Variants in TRIO observed in about 807,000 individuals in gnomAD.
The protein encoded by TRIO is trio Rho guanine nucleotide exchange factor.
In TRIO, 58 loss-of-function variants were observed where a neutral mutation model predicts 351.9. The observed-to-expected ratio is 0.16, with a 90% CI of 0.13 to 0.21. The LOEUF (loss-of-function observed/expected upper bound fraction) is 0.21, where lower values mean the gene tolerates loss of function less well. TRIO is among the 10% of genes least tolerant of loss of function. The probability of loss-of-function intolerance (pLI) is 1.00; values close to 1 mark genes in which losing one functional copy is unlikely to be tolerated. For missense variants in TRIO, 3,201 were observed against 4,027.8 expected, an observed-to-expected ratio of 0.79 and a Z score of 5.56; for synonymous variants, 1,758 against 1,595.7, an observed-to-expected ratio of 1.10 and a Z score of -2.42.
chr5:14,183,502 CAAAT>C (rs1161180653), intron 1 of TRIO, among the ~76,000 whole-genome samples: 2 of 151,986 alleles, frequency 1.3e-5, no homozygotes, highest in East Asian at 1.9e-4. Flanking sequence ...AAAATGTAAA[CAAAT>C]AAAGTATTAC....
At position 14,471,278 on chromosome 5, in the gene TRIO, G is replaced by A. The variant is rs1381744877; in HGVS notation, c.5764-40G>A. The A allele has an allele frequency of 2.5e-6, 4 of 1,601,778 alleles. No homozygotes were observed. In the African/African-American group the frequency reaches 4.0e-5, roughly 16 times the overall value. On this transcript the variant is annotated intron_variant, in intron 37 of 56. Transcript: ENST00000344204. ...TCTTAGTTTTAGCCAATCATGGGCTGTGGGCAGTAAGTGTTGTTGATTATG... is the reference window on the plus strand; with the variant it reads ...TCTTAGTTTTAGCCAATCATGGGCTATGGGCAGTAAGTGTTGTTGATTATG...
chr5:14,390,438 A>C, intron 26 of TRIO, 138 bp downstream of exon 26: 1 of 750,216 alleles, frequency 1.3e-6, no homozygotes, highest in Non-Finnish European at 2.2e-6. Flanking sequence ...CTTTACCTCA[A>C]AGAATTGCAT....
At chr5:14,325,513 C>T (rs1740296258) in intron 9 of TRIO, among the ~76,000 whole-genome samples, 1 of 152,172 alleles carries the variant, frequency 6.6e-6, no homozygotes, top group Non-Finnish European at 1.5e-5. Context: ...AAGAGTTAGA[C>T]TCACTCCCTC....
At chr5:14,480,179 G>T (rs1755408945) in intron 43 of TRIO, among the ~76,000 whole-genome samples, 168 bp downstream of exon 43, 1 of 148,728 alleles carries the variant, frequency 6.7e-6, no homozygotes. Context: ...TTAACTGAAG[G>T]TGAGGTGGCG....
intron 1 of TRIO, among the ~76,000 whole-genome samples, chr5:14,252,841 G>A (rs1056022579): frequency 6.6e-6 from 1 of 151,912 alleles, no homozygotes; most frequent in Non-Finnish European, 1.5e-5. Flanking sequence ...CATTGAGGGA[G>A]AGGTTGAGGG....
At chr5:14,187,931 G>A (rs1404923615) in intron 1 of TRIO, among the ~76,000 whole-genome samples, 9 of 152,268 alleles carry the variant, frequency 5.9e-5, no homozygotes, top group South Asian at 2.1e-4. Flanking sequence ...TTCTGTCACC[G>A]AGCCAATCTT....
At chr5:14,471,590 A>T in intron 38 of TRIO, 124 bp downstream of exon 38, 1 of 1,271,728 alleles carries the variant, frequency 7.9e-7, no homozygotes, top group Non-Finnish European at 1.1e-6. Context: ...GCCTCTCATT[A>T]AGTAACTGCA....
In TRIO at chr5:14,487,927, C is replaced by T. The variant is rs748509892; in HGVS notation, c.7299C>T (p.Pro2433=). The change falls in exon 48 of 57, where the codon CCC becomes CCT. Residue 2433 remains proline (P), a synonymous_variant. Coordinates refer to ENST00000344204, the MANE Select transcript of TRIO (RefSeq NM_007118.4). ...CCTCGGGGTCGAGCCCAGACGCCCC[C>T]GCCAAGGACGCGCGCGCTAGCCTGG... ...ANASGSSPDA[P]AKDARASLGT... 2.6e-6 allele frequency: 4 copies of T among 1,539,422 alleles called. No homozygotes were observed. Among genetic ancestry groups the T allele is most frequent in the East Asian group, 2.4e-5 (1 of 40,828 alleles).
intron 37 of TRIO, 132 bp downstream of exon 37, chr5:14,465,772 C>A (rs897893253): frequency 4.4e-6 from 4 of 915,296 alleles, no homozygotes; most frequent in Non-Finnish European, 6.9e-6. Flanking sequence ...TCTCAGGAGT[C>A]CCCATGACCA....
intron 34 of TRIO, among the ~76,000 whole-genome samples, chr5:14,430,751 T>A (rs1751037882): frequency 6.6e-6 from 1 of 152,038 alleles, no homozygotes; most frequent in South Asian, 2.1e-4. Flanking sequence ...AGTCTTGCTC[T>A]GTCACCCAGG....
At chr5:14,369,877 G>A (rs909563961) in intron 18 of TRIO, among the ~76,000 whole-genome samples, 3 of 152,170 alleles carry the variant, frequency 2.0e-5, no homozygotes, top group Non-Finnish European at 2.9e-5. Flanking sequence ...TTCCTTTGGA[G>A]ACTCAGCCTC....
intron 1 of TRIO, among the ~76,000 whole-genome samples, chr5:14,148,869 G>A (rs26288): frequency 0.28 from 42,777 of 152,076 alleles, 6,263 homozygotes; most frequent in East Asian, 0.47. Flanking sequence ...GGGCTGCAGG[G>A]ACCAGGCTGG....
intron 1 of TRIO, among the ~76,000 whole-genome samples, chr5:14,186,465 T>C (rs1230507167): frequency 6.6e-6 from 1 of 152,162 alleles, no homozygotes; most frequent in Non-Finnish European, 1.5e-5. Flanking sequence ...CTTCTTTGAG[T>C]TGCTGTGGTG....
chr5:14,256,583 A>C (rs1017721625), intron 1 of TRIO, among the ~76,000 whole-genome samples: 3 of 152,172 alleles, frequency 2.0e-5, no homozygotes, highest in Admixed American at 6.5e-5. Flanking sequence ...GGTCACATCA[A>C]TTCTCTTCCA....
At chr5:14,151,883 T>G (rs1343073392) in intron 1 of TRIO, among the ~76,000 whole-genome samples, 1 of 152,240 alleles carries the variant, frequency 6.6e-6, no homozygotes, top group Non-Finnish European at 1.5e-5. Context: ...TTGTTCTGCA[T>G]GACAGATATG....
intron 1 of TRIO, among the ~76,000 whole-genome samples, chr5:14,254,528 G>A (rs959926860): frequency 4.6e-5 from 7 of 152,120 alleles, no homozygotes; most frequent in East Asian, 3.8e-4. Context: ...CATGTGAGGC[G>A]CCTGGAAAGG....
chr5:14,223,866 C>T (rs958060893), intron 1 of TRIO, among the ~76,000 whole-genome samples: 2 of 152,148 alleles, frequency 1.3e-5, no homozygotes, highest in South Asian at 4.1e-4. Context: ...TATTGTCTTA[C>T]TGTTACATTT....
intron 33 of TRIO, among the ~76,000 whole-genome samples, chr5:14,407,548 T>C (rs1186959285): frequency 6.6e-6 from 1 of 152,162 alleles, no homozygotes; most frequent in Non-Finnish European, 1.5e-5. Flanking sequence ...GCGGAGCTGC[T>C]CTGATGGAAA....
intron 9 of TRIO, among the ~76,000 whole-genome samples, chr5:14,324,786 AGT>A (rs1460766199): frequency 2.0e-5 from 3 of 152,236 alleles, no homozygotes; most frequent in African/African-American, 7.2e-5. Flanking sequence ...AGATTAGAAA[AGT>A]AACACAGTGT....
Sources: allele counts gnomAD v4.1 joint callset (sites outside exome capture counted in the v4.1 genomes callset), GRCh38; gene constraint gnomAD v4.1.1; transcripts MANE v1.5; gene names NCBI Gene and HGNC (gene_info 2026-07-23, HGNC 2026-07-21).